Variants in PKNOX2 observed in about 807,000 individuals in gnomAD.
PKNOX2 encodes homeobox protein PKNOX2.
Under a neutral mutation model 53.1 loss-of-function variants are expected in PKNOX2, and 14 were observed. The ratio of observed to expected loss-of-function variants is 0.26; its 90% CI spans 0.17 to 0.41. The LOEUF is 0.41. Ranked by LOEUF, PKNOX2 falls within the 10% of genes least tolerant of loss-of-function variation. The pLI is 1.00. For missense variants in PKNOX2, 496 were observed against 602.8 expected (o/e 0.82, Z 1.85); for synonymous variants, 257 against 242.8 (o/e 1.06, Z -0.54).
intron 1 of PKNOX2, among the ~76,000 whole-genome samples, chr11:125,180,600 C>T (rs1486130277): frequency 6.6e-6 from 1 of 152,168 alleles, no homozygotes; most frequent in Non-Finnish European, 1.5e-5. Flanking sequence ...AGCTCGGAGC[C>T]AGAATGAGAA....
chr11:125,401,789 G>GTGTGTA (rs1555170948), intron 7 of PKNOX2, among the ~76,000 whole-genome samples: 6 of 147,928 alleles, frequency 4.1e-5, no homozygotes, highest in Non-Finnish European at 8.9e-5. Flanking sequence ...GTGTGTGTGT[G>GTGTGTA]TATGTGTGTG....
intron 2 of PKNOX2, among the ~76,000 whole-genome samples, chr11:125,307,890 G>A (rs1948566860): frequency 6.6e-6 from 1 of 152,210 alleles, no homozygotes; most frequent in South Asian, 2.1e-4. Context: ...CATAGGCAAG[G>A]TAGATTACAA....
intron 1 of PKNOX2, among the ~76,000 whole-genome samples, chr11:125,195,445 G>T (rs375602527): frequency 2.6e-5 from 4 of 152,294 alleles, no homozygotes; most frequent in South Asian, 4.1e-4. Context: ...GCAGGAGGAG[G>T]GGTGAAGACT....
At chr11:125,276,633 A>G (rs909433790) in intron 2 of PKNOX2, among the ~76,000 whole-genome samples, 1 of 152,176 alleles carries the variant, frequency 6.6e-6, no homozygotes, top group Non-Finnish European at 1.5e-5. Flanking sequence ...TGTTTTCTGT[A>G]TGAAATATAC....
chr11:125,316,259 T>C (rs967939098), intron 2 of PKNOX2, among the ~76,000 whole-genome samples: 4 of 152,228 alleles, frequency 2.6e-5, no homozygotes. Flanking sequence ...TTGCCTGTCT[T>C]GACCTGAGAA....
intron 2 of PKNOX2, among the ~76,000 whole-genome samples, chr11:125,269,034 C>T (rs1945578420): frequency 6.6e-6 from 1 of 152,020 alleles, no homozygotes; most frequent in Non-Finnish European, 1.5e-5. Flanking sequence ...AAAGGTGGTC[C>T]CTGGAACAGT....
intron 2 of PKNOX2, among the ~76,000 whole-genome samples, chr11:125,292,895 G>A (rs1389696849): frequency 3.3e-5 from 5 of 152,148 alleles, no homozygotes; most frequent in African/African-American, 7.2e-5. Context: ...TGGGGATCTC[G>A]GAGAACCAGA....
In PKNOX2 at chr11:125,171,349, G is replaced by C. The variant is rs370203923; in HGVS notation, c.-201+6573G>C. Among the ~76,000 whole-genome samples, 17 of 152,214 alleles carry C rather than the reference G, an allele frequency of 1.1e-4. 1 individual carries two copies. The highest frequency in any genetic ancestry group is 7.7e-4 in the East Asian group (4 of 5,198). Reference sequence around the variant, plus strand: ...GCAGCAAAAACAAAGCCAAGACATTGCCATGAAGCCTGTCCTCAAGGAGCT... The same window carrying C: ...GCAGCAAAAACAAAGCCAAGACATTCCCATGAAGCCTGTCCTCAAGGAGCT... On this transcript the variant is annotated intron_variant, in intron 1 of 12. Transcript: ENST00000298282.
At chr11:125,313,646 C>T (rs1196152187) in intron 2 of PKNOX2, among the ~76,000 whole-genome samples, 1 of 152,170 alleles carries the variant, frequency 6.6e-6, no homozygotes, top group African/African-American at 2.4e-5. Context: ...CTGTCCATGC[C>T]CTTTCCTAGC....
intron 7 of PKNOX2, among the ~76,000 whole-genome samples, chr11:125,402,007 G>A (rs979258180): frequency 6.6e-5 from 10 of 152,126 alleles, no homozygotes; most frequent in Admixed American, 2.0e-4. Flanking sequence ...GTTGCAAAGC[G>A]GGAGACATTT....
intron 1 of PKNOX2, among the ~76,000 whole-genome samples, chr11:125,219,451 A>G (rs1350620362): frequency 4.6e-5 from 7 of 152,060 alleles, no homozygotes; most frequent in Admixed American, 4.6e-4. Flanking sequence ...AAAAAAAAAA[A>G]AATTATAAAC....
chr11:125,293,861 T>A (rs1210327429), intron 2 of PKNOX2, among the ~76,000 whole-genome samples: 1 of 151,928 alleles, frequency 6.6e-6, no homozygotes, highest in Non-Finnish European at 1.5e-5. Flanking sequence ...CCTGGAGAAA[T>A]GGAACATCTC....
At chr11:125,249,096 T>C (rs1943806696) in intron 2 of PKNOX2, among the ~76,000 whole-genome samples, 2 of 149,138 alleles carry the variant, frequency 1.3e-5, no homozygotes, top group Non-Finnish European at 3.0e-5. Flanking sequence ...CATGTTTATA[T>C]GTGTGCATCT....
At chr11:125,359,582 AAGGCCAGACTTG>A (rs1257042649) in intron 4 of PKNOX2, among the ~76,000 whole-genome samples, 2 of 152,062 alleles carry the variant, frequency 1.3e-5, no homozygotes, top group Non-Finnish European at 2.9e-5. Context: ...CCTACCTATT[AAGGCCAGACTTG>A]ATGTTTACCA....
At chr11:125,289,152 G>A (rs938928165) in intron 2 of PKNOX2, among the ~76,000 whole-genome samples, 6 of 152,158 alleles carry the variant, frequency 3.9e-5, no homozygotes, top group Admixed American at 6.5e-5. Context: ...GCCTTCAAGC[G>A]GAACCCATAG....
intron 2 of PKNOX2, among the ~76,000 whole-genome samples, chr11:125,283,916 A>C (rs1215906035): frequency 6.6e-6 from 1 of 152,216 alleles, no homozygotes. Context: ...AAAATGCCTC[A>C]TCTCACACCG....
intron 5 of PKNOX2, among the ~76,000 whole-genome samples, chr11:125,376,549 G>A (rs1275853885): frequency 1.3e-5 from 2 of 152,212 alleles, no homozygotes; most frequent in Non-Finnish European, 2.9e-5. Flanking sequence ...CGTAGCAACT[G>A]TGACTAGAAG....
chr11:125,357,176 T>C (rs957460725), intron 4 of PKNOX2, among the ~76,000 whole-genome samples: 1 of 152,216 alleles, frequency 6.6e-6, no homozygotes, highest in Non-Finnish European at 1.5e-5. Context: ...TTTTCTTTTC[T>C]GCTGGGCCTT....
intron 10 of PKNOX2, among the ~76,000 whole-genome samples, chr11:125,424,118 T>TG (rs1162290774): frequency 1.7e-4 from 26 of 149,822 alleles, no homozygotes; most frequent in African/African-American, 6.4e-4. Flanking sequence ...GAGAGGTGTT[T>TG]GGGGGGACAG....
Sources: gnomAD v4.1 joint callset for allele counts (sites outside exome capture counted in the v4.1 genomes callset) on GRCh38, gnomAD v4.1.1 for gene constraint, MANE v1.5 for transcripts, NCBI Gene and HGNC (gene_info 2026-07-23, HGNC 2026-07-21) for gene names.